OTC: variants seen among roughly 807,000 people sequenced by gnomAD.
OTC encodes ornithine transcarbamylase.
In OTC, 3 loss-of-function variants were observed where a neutral mutation model predicts 30.3. That is an observed-to-expected ratio of 0.10 (90% CI 0.05 to 0.26). The LOEUF is 0.26. OTC is among the 10% of genes least tolerant of loss of function. The pLI is 1.00. For synonymous variants in OTC, 111 were observed against 99.7 expected (o/e 1.11, Z -0.67); for missense variants, 194 against 260.3 (o/e 0.75, Z 1.75).
chrX:38,335,542 A>T, the OTC span, among the ~76,000 whole-genome samples: 1 of 112,632 alleles, frequency 8.9e-6, no homozygotes, highest in Admixed American at 9.4e-5. Context: ...CAAATATGGC[A>T]CAGCTGTGTC....
chrX:38,405,605 A>G (rs2068511834), intron 6 of OTC, among the ~76,000 whole-genome samples: 1 of 111,411 alleles, frequency 9.0e-6, no homozygotes, highest in African/African-American at 3.3e-5. Flanking sequence ...GTGGGAGTGA[A>G]TTTTGAAGAA....
At chrX:38,384,960 A>G (rs999778300) in intron 4 of OTC, among the ~76,000 whole-genome samples, 9 of 112,000 alleles carry the variant, frequency 8.0e-5, no homozygotes, top group Non-Finnish European at 1.5e-4. Flanking sequence ...TTGTTTTAGC[A>G]CTGAGAATAA....
At chrX:38,398,185 CA>C (rs1474529744) in intron 4 of OTC, among the ~76,000 whole-genome samples, 2 of 111,952 alleles carry the variant, frequency 1.8e-5, no homozygotes, top group Non-Finnish European at 1.9e-5. Context: ...CTCATGTGTA[CA>C]GGTCGTTGAC....
upstream of OTC, among the ~76,000 whole-genome samples, chrX:38,350,347 A>G (rs2068208077): frequency 8.9e-6 from 1 of 112,087 alleles, no homozygotes; most frequent in African/African-American, 3.2e-5. Context: ...TGGCTGCACA[A>G]TTGTTGATGG....
At chrX:38,340,462 T>G in the OTC span, among the ~76,000 whole-genome samples, 1 of 96,179 alleles carries the variant, frequency 1.0e-5, no homozygotes, top group African/African-American at 4.0e-5. Context: ...TTTTTTTGTT[T>G]TTTTTTTTTT....
intron 4 of OTC, among the ~76,000 whole-genome samples, chrX:38,396,768 G>A (rs777542304): frequency 2.7e-4 from 30 of 110,121 alleles, no homozygotes; most frequent in Non-Finnish European, 5.1e-4. Context: ...GCGAGACTCC[G>A]TCTGAAAAAA....
At chrX:38,411,370 A>G (rs975262489) in intron 8 of OTC, among the ~76,000 whole-genome samples, 3 of 109,783 alleles carry the variant, frequency 2.7e-5, no homozygotes, top group Non-Finnish European at 5.7e-5. Flanking sequence ...AAAAGAAAAA[A>G]AAAAAAAAAA....
At position 38,404,443 on chromosome X, in the gene OTC, C is replaced by T. The variant is rs1053201736; in HGVS notation, c.663+703C>T. 2.7e-5 allele frequency among the ~76,000 whole-genome samples: 3 copies of T among 111,795 alleles called. No individual in the cohort carries two copies. The Admixed American group carries it at 2.8e-4, about 11-fold the overall frequency. ...GGTAGGAGGGACACTTTATTTTGAC[C>T]ATACAGTCATGTGTGGCTTCATAAC... On this transcript the variant is annotated intron_variant, in intron 6 of 9. Coordinates refer to ENST00000039007, the MANE Select transcript of OTC (RefSeq NM_000531.6).
chrX:38,367,058 G>C lies in OTC; in HGVS notation c.78-233G>C, dbSNP rs148036282. On this transcript the variant is annotated intron_variant, in intron 1 of 9. Coordinates refer to ENST00000039007, the MANE Select transcript of OTC (RefSeq NM_000531.6). ...CCAGGCTTGGTGGCATGTGCTTGTAGTTTCAGCTACTTGGGTGGCTGAAGC... is the reference window on the plus strand; with the variant it reads ...CCAGGCTTGGTGGCATGTGCTTGTACTTTCAGCTACTTGGGTGGCTGAAGC... Among the ~76,000 whole-genome samples the C allele has an allele frequency of 0.022, 2,426 of 109,856 alleles. 77 individuals carry two copies. Among genetic ancestry groups the C allele is most frequent in the African/African-American group, 0.076 (2,298 of 30,066 alleles).
the OTC span, among the ~76,000 whole-genome samples, chrX:38,342,050 C>T: frequency 7.1e-5 from 6 of 84,813 alleles, no homozygotes; most frequent in African/African-American, 9.3e-5. Flanking sequence ...GATGGTGTCT[C>T]GCTCTGTCGC....
chrX:38,388,646 C>T (rs760081053), intron 4 of OTC, among the ~76,000 whole-genome samples: 6 of 111,752 alleles, frequency 5.4e-5, no homozygotes, highest in Non-Finnish European at 3.8e-5. Context: ...CAGCGTACTA[C>T]TGAAAAGTGC....
intron 9 of OTC, among the ~76,000 whole-genome samples, chrX:38,417,802 G>T (rs970090900): frequency 2.7e-5 from 3 of 111,930 alleles, no homozygotes; most frequent in Non-Finnish European, 5.6e-5. Context: ...CACCCATGTT[G>T]TCACAAATGA....
chrX:38,411,835 A>T (rs1320291939), intron 8 of OTC, 27 bp from the exon 9 acceptor site: 1 of 1,205,213 alleles, frequency 8.3e-7, no homozygotes, highest in East Asian at 3.0e-5. Context: ...TAATAGTCAA[A>T]AAGTGGTCTT....
chrX:38,337,144 A>G, the OTC span, among the ~76,000 whole-genome samples: 4 of 112,035 alleles, frequency 3.6e-5, no homozygotes, highest in South Asian at 1.5e-3. Context: ...CAGGCCCACC[A>G]AATAGCATGC....
intron 3 of OTC, among the ~76,000 whole-genome samples, chrX:38,373,307 G>A (rs960690931): frequency 3.6e-5 from 4 of 111,918 alleles, no homozygotes; most frequent in Non-Finnish European, 5.6e-5. Context: ...TTCAGCATGC[G>A]CTCTTTTGTG....
intron 1 of OTC, among the ~76,000 whole-genome samples, chrX:38,361,262 G>A (rs186055979): frequency 0.022 from 2,383 of 110,394 alleles, 65 homozygotes; most frequent in African/African-American, 0.075. Context: ...CTGAGATTGC[G>A]CCGCTGCGCT....
At chrX:38,402,949 G>T (rs1454554227) in intron 5 of OTC, among the ~76,000 whole-genome samples, 1 of 110,767 alleles carries the variant, frequency 9.0e-6, no homozygotes, top group Non-Finnish European at 1.9e-5. Context: ...GGAGTAGCTG[G>T]GATTACAAGT....
the OTC span, among the ~76,000 whole-genome samples, chrX:38,345,695 A>G: frequency 9.1e-6 from 1 of 109,880 alleles, no homozygotes; most frequent in South Asian, 4.0e-4. Flanking sequence ...TATGTGCCAC[A>G]ACACCTGGCT....
In OTC at chrX:38,408,962, G is replaced by C. The variant is rs1357402422; in HGVS notation, c.804G>C (p.Met268Ile). The C allele has an allele frequency of 4.1e-6, 5 of 1,209,680 alleles. No homozygotes were observed. Among genetic ancestry groups the C allele is most frequent in the Non-Finnish European group, 5.6e-6 (5 of 894,948 alleles). The change falls in exon 8 of 10, where the codon ATG becomes ATC. Residue 268 changes from methionine to isoleucine, a missense_variant. Transcript: ENST00000039007. ...TAATTACAGACACTTGGATAAGCAT[G>C]GGACAAGAAGAGGAGAAGAAAAAGC... is the stretch of plus-strand genomic sequence containing the variant. Reference protein sequence around the residue: ...NVLITDTWISMGQEEEKKKRL... With the variant: ...NVLITDTWISIGQEEEKKKRL...
Sources: allele counts gnomAD v4.1 joint callset (sites outside exome capture counted in the v4.1 genomes callset), GRCh38; gene constraint gnomAD v4.1.1; transcripts MANE v1.5; gene names NCBI Gene and HGNC (gene_info 2026-07-23, HGNC 2026-07-21).